ZNF438: variants seen among roughly 807,000 people sequenced by gnomAD.
ZNF438 encodes zinc finger protein 438.
Under a neutral mutation model 38.0 loss-of-function variants are expected in ZNF438, and 25 were observed. The ratio of observed to expected loss-of-function variants is 0.66; its 90% CI spans 0.48 to 0.92. The LOEUF (loss-of-function observed/expected upper bound fraction) is 0.92, where lower values mean the gene tolerates loss of function less well. Ranked by LOEUF, ZNF438 falls within the 40% of genes least tolerant of loss-of-function variation. ZNF438 has a pLI of 0.00. For missense variants in ZNF438, 1,007 were observed against 999.6 expected (o/e 1.01, Z -0.10); for synonymous variants, 372 against 364.1 (o/e 1.02, Z -0.25).
chr10:30,935,216 T>A (rs1216403672), intron 2 of ZNF438, among the ~76,000 whole-genome samples: 1 of 152,224 alleles, frequency 6.6e-6, no homozygotes, highest in Non-Finnish European at 1.5e-5. Flanking sequence ...TTGTTCAAGG[T>A]TGTTAGTGAC....
chr10:30,975,919 T>A (rs1240696451), intron 1 of ZNF438, among the ~76,000 whole-genome samples: 1 of 152,020 alleles, frequency 6.6e-6, no homozygotes, highest in African/African-American at 2.4e-5. Context: ...TTAGTAACAG[T>A]CTTGAGTTAA....
chr10:30,908,595 A>G (rs2042798237), intron 3 of ZNF438, among the ~76,000 whole-genome samples: 1 of 152,206 alleles, frequency 6.6e-6, no homozygotes, highest in African/African-American at 2.4e-5. Context: ...CAGCTGTCCT[A>G]TCTTTCCTGA....
At chr10:30,978,931 C>A (rs1484186231) in intron 1 of ZNF438, among the ~76,000 whole-genome samples, 4 of 152,168 alleles carry the variant, frequency 2.6e-5, no homozygotes, top group African/African-American at 4.8e-5. Flanking sequence ...CTATGAAAGT[C>A]TTATATGATA....
chr10:30,849,715 C>T lies in ZNF438; in HGVS notation c.690G>A (p.Lys230=), dbSNP rs765869736. 3 of 1,614,166 alleles carry T rather than the reference C, an allele frequency of 1.9e-6. No individual in the cohort carries two copies. The East Asian group carries it at 6.7e-5, about 36-fold the overall frequency. The change falls in exon 5 of 6, where the codon AAG becomes AAA. Residue 230 remains lysine, a synonymous_variant. Coordinates refer to ENST00000413025, the Ensembl canonical transcript of ZNF438. The stretch of plus-strand genomic sequence containing the variant: ...TCCCTGAAAGAGCTGTGAGGTCCTG[C>T]TTGGCAGGCTCCTCTGGTGTGGATG...
intron 4 of ZNF438, among the ~76,000 whole-genome samples, chr10:30,854,269 G>C (rs915270690): frequency 7.2e-5 from 11 of 152,156 alleles, no homozygotes; most frequent in African/African-American, 2.4e-4. Flanking sequence ...AGCCGAAATA[G>C]CGCCACTGCA....
At chr10:30,845,126 T>C (rs1184594831) in exon 6 of ZNF438, 3 of 1,614,194 alleles carry the variant, frequency 1.9e-6, no homozygotes, top group Non-Finnish European at 2.5e-6. Flanking sequence ...AGTTAAAGCC[T>C]GAATGGGACC....
chr10:30,978,275 T>A (rs1346376794), intron 1 of ZNF438, among the ~76,000 whole-genome samples: 2 of 152,282 alleles, frequency 1.3e-5, no homozygotes, highest in East Asian at 3.9e-4. Context: ...CTTTCCTTAT[T>A]TAGGGACTTT....
chr10:30,913,570 C>T (rs1202970787), intron 2 of ZNF438, among the ~76,000 whole-genome samples: 1 of 152,040 alleles, frequency 6.6e-6, no homozygotes, highest in East Asian at 1.9e-4. Context: ...TTACCCCTTT[C>T]TTTCAGGTTA....
chr10:30,863,524 T>C (rs1483099031), intron 4 of ZNF438, among the ~76,000 whole-genome samples: 1 of 152,222 alleles, frequency 6.6e-6, no homozygotes, highest in Non-Finnish European at 1.5e-5. Context: ...AATTCTGCCA[T>C]CCTTCTTCTC....
chr10:30,930,382 C>T (rs1181037469), intron 2 of ZNF438, among the ~76,000 whole-genome samples: 2 of 152,258 alleles, frequency 1.3e-5, no homozygotes, highest in African/African-American at 2.4e-5. Context: ...CACTGGCCTG[C>T]GAGTGCAGTG....
intron 4 of ZNF438, among the ~76,000 whole-genome samples, chr10:30,874,719 G>T (rs2133596086): frequency 6.6e-6 from 1 of 151,702 alleles, no homozygotes; most frequent in South Asian, 2.1e-4. Context: ...AGCATAGTAT[G>T]TTTGATGAGA....
intron 1 of ZNF438, among the ~76,000 whole-genome samples, chr10:31,028,424 C>T (rs965995345): frequency 6.6e-6 from 1 of 152,174 alleles, no homozygotes; most frequent in African/African-American, 2.4e-5. Flanking sequence ...AAAATTCTAT[C>T]ATTGCCAAAT....
intron 1 of ZNF438, among the ~76,000 whole-genome samples, chr10:30,991,099 C>T (rs2053437760): frequency 1.3e-5 from 2 of 152,200 alleles, no homozygotes; most frequent in Admixed American, 1.3e-4. Flanking sequence ...CCTGCTCCCA[C>T]CTTACCTCCC....
exon 6 of ZNF438, chr10:30,845,084 T>C (rs1247894146): frequency 1.2e-6 from 2 of 1,614,192 alleles, no homozygotes; most frequent in Admixed American, 1.7e-5. Flanking sequence ...GGAGGTCCTC[T>C]TTCCGTCCCA....
In ZNF438 at chr10:30,947,633, G is replaced by A. The variant is rs373764689; in HGVS notation, c.-191-5982C>T. Among the ~76,000 whole-genome samples, 954 of 152,312 alleles carry A rather than the reference G, an allele frequency of 6.3e-3. 13 individuals carry two copies. Among genetic ancestry groups the A allele is most frequent in the African/African-American group, 0.021 (875 of 41,568 alleles). On this transcript the variant is annotated intron_variant, in intron 1 of 5. Transcript: ENST00000413025. ...GTGCCCCTCTCCCAGCCTCACTGCC[G>A]CCTTGCAGTTTGATCTCAGACTGCT...
rs73252675 is a variant in ZNF438 at position 30,963,570 on chromosome 10, G to A, written c.-191-21919C>T. Among the ~76,000 whole-genome samples the A allele has an allele frequency of 6.2e-3, 937 of 152,134 alleles. 14 individuals carry two copies. Among genetic ancestry groups the A allele is most frequent in the African/African-American group, 0.021 (874 of 41,502 alleles). On this transcript the variant is annotated intron_variant, in intron 1 of 5. Transcript: ENST00000413025. Reference sequence around the variant, plus strand: ...AAATCAAGATATAACTCAGCAGTGAGCACTAGTATATATGCCAATGAGGCC... The same window carrying A: ...AAATCAAGATATAACTCAGCAGTGAACACTAGTATATATGCCAATGAGGCC...
At chr10:30,845,134 A>T in exon 6 of ZNF438, 1 of 1,614,160 alleles carries the variant, frequency 6.2e-7, no homozygotes, top group South Asian at 1.1e-5. Context: ...CCTGAATGGG[A>T]CCACAAGAGA....
At chr10:30,914,425 T>TA (rs1038282270) in intron 2 of ZNF438, among the ~76,000 whole-genome samples, 1 of 151,730 alleles carries the variant, frequency 6.6e-6, no homozygotes, top group African/African-American at 2.4e-5. Flanking sequence ...ACACATGTGA[T>TA]AAAAATTAGA....
At chr10:30,850,475 T>C in intron 4 of ZNF438, 108 bp from the exon 6 acceptor site, 1 of 1,303,954 alleles carries the variant, frequency 7.7e-7, no homozygotes, top group Non-Finnish European at 1.0e-6. Flanking sequence ...TTCCTTGACC[T>C]ACCTCCAAGC....
Sources: allele counts gnomAD v4.1 joint callset (sites outside exome capture counted in the v4.1 genomes callset), GRCh38; gene constraint gnomAD v4.1.1; transcripts MANE v1.5; gene names NCBI Gene and HGNC (gene_info 2026-07-23, HGNC 2026-07-21).